CCDC3: variants seen among roughly 807,000 people sequenced by gnomAD.
CCDC3 encodes coiled-coil domain containing 3.
A neutral mutation model predicts 21.4 loss-of-function variants in CCDC3; 24 were observed. The observed-to-expected ratio is 1.12, with a 90% confidence interval of 0.81 to 1.58. The LOEUF (loss-of-function observed/expected upper bound fraction) is 1.58, where lower values mean the gene tolerates loss of function less well. Among genes scored for constraint, CCDC3 ranks in the 40% most tolerant of loss-of-function variants. The pLI is 0.00. For synonymous variants in CCDC3, 186 were observed against 166.0 expected (o/e 1.12, Z -0.93); for missense variants, 425 against 360.9 (o/e 1.18, Z -1.44).
intron 2 of CCDC3, among the ~76,000 whole-genome samples, chr10:12,965,839 C>G (rs569322374): frequency 6.6e-6 from 1 of 152,170 alleles, no homozygotes; most frequent in African/African-American, 2.4e-5. Context: ...GACATACACA[C>G]GTTGTAAATG....
chr10:13,087,781 G>A (rs1026330702), intron 3 of CCDC3, among the ~76,000 whole-genome samples: 1 of 152,068 alleles, frequency 6.6e-6, no homozygotes, highest in African/African-American at 2.4e-5. Context: ...CATAGCCGCC[G>A]CTTTCCTATG....
chr10:13,038,717 T>C (rs1206036201), intron 5 of CCDC3, among the ~76,000 whole-genome samples: 1 of 152,196 alleles, frequency 6.6e-6, no homozygotes, highest in Non-Finnish European at 1.5e-5. Context: ...TTAGAAGCAA[T>C]AATAAGGACG....
At chr10:13,066,253 G>A (rs1836818894) in intron 4 of CCDC3, among the ~76,000 whole-genome samples, 1 of 152,060 alleles carries the variant, frequency 6.6e-6, no homozygotes, top group African/African-American at 2.4e-5. Context: ...GCCCTCCCGG[G>A]CTCAGGTGAT....
chr10:13,019,046 A>T (rs1391496685), intron 5 of CCDC3, among the ~76,000 whole-genome samples: 4 of 151,466 alleles, frequency 2.6e-5, no homozygotes, highest in Non-Finnish European at 5.9e-5. Flanking sequence ...ATCCTGGCTA[A>T]CACGGTGAAA....
rs371017455 is a variant in CCDC3, at chr10:12,959,075, C to A, written c.549+39263G>T. ...GGGGAATGAAGGATTAAATACTGGA[C>A]CCACATCAGCAGATTCCTACCACTG... On this transcript the variant is annotated intron_variant, in intron 2 of 2. Coordinates refer to ENST00000378825, the MANE Select transcript of CCDC3 (RefSeq NM_031455.4). Among the ~76,000 whole-genome samples the A allele has an allele frequency of 2.0e-5, 3 of 152,308 alleles. No individual in the cohort carries two copies. In the East Asian group the frequency reaches 5.8e-4, roughly 29 times the overall value.
At chr10:13,083,489 C>T (rs190481612) in intron 3 of CCDC3, among the ~76,000 whole-genome samples, 1 of 152,280 alleles carries the variant, frequency 6.6e-6, no homozygotes, top group African/African-American at 2.4e-5. Flanking sequence ...TTCAAGCTTC[C>T]TTGATTTGTG....
At chr10:13,057,867 C>T (rs1354838328) in intron 4 of CCDC3, 7 of 438,072 alleles carry the variant, frequency 1.6e-5, no homozygotes, top group Admixed American at 5.7e-5. Context: ...GATGACAGTG[C>T]GAGACTCTGT....
chr10:12,996,100 A>T (rs1175818238), intron 2 of CCDC3, among the ~76,000 whole-genome samples: 1 of 152,238 alleles, frequency 6.6e-6, no homozygotes, highest in Non-Finnish European at 1.5e-5. Context: ...CGCTTGGAAG[A>T]AATTAAGTAT....
chr10:12,943,413 C>T (rs1394415587), intron 2 of CCDC3, among the ~76,000 whole-genome samples: 2 of 152,214 alleles, frequency 1.3e-5, no homozygotes, highest in Admixed American at 6.5e-5. Context: ...GTATGAGAAT[C>T]CTCGGTAAGG....
chr10:13,036,740 C>T (rs1836382515), intron 5 of CCDC3, among the ~76,000 whole-genome samples: 1 of 152,052 alleles, frequency 6.6e-6, no homozygotes, highest in East Asian at 1.9e-4. Flanking sequence ...CCACTTTGGC[C>T]TCCCAAAGTG....
intron 4 of CCDC3, among the ~76,000 whole-genome samples, chr10:13,060,816 G>A (rs181163405): frequency 6.9e-4 from 105 of 152,090 alleles, no homozygotes; most frequent in East Asian, 6.2e-3. Context: ...TTCAAATTTT[G>A]TTTCTAAAGG....
intron 3 of CCDC3, among the ~76,000 whole-genome samples, chr10:13,089,022 AT>A (rs1221710920): frequency 2.8e-4 from 42 of 151,958 alleles, no homozygotes; most frequent in African/African-American, 7.2e-4. Context: ...AAAAAAAAAA[AT>A]AAAAGAAGAA....
At position 12,898,288 on chromosome 10, in the gene CCDC3, G is replaced by A; in HGVS notation, c.*128C>T. On this transcript the variant is annotated 3_prime_UTR_variant, in exon 3 of 3. Transcript: ENST00000378825. Reference sequence around the variant, plus strand: ...GCAAGCCTTGCATTTTATCCATTTAGACTCTACCAAATGCGTGATTAAAAA... The same window carrying A: ...GCAAGCCTTGCATTTTATCCATTTAAACTCTACCAAATGCGTGATTAAAAA... The A allele has an allele frequency of 9.6e-7, 1 of 1,044,678 alleles. No homozygotes were observed. Among genetic ancestry groups the A allele is most frequent in the Non-Finnish European group, 1.4e-6 (1 of 731,752 alleles). 64.7% of individuals were successfully genotyped at this position (1,044,678 alleles called of 1,614,324 possible).
chr10:12,919,586 T>TGA (rs368084819), intron 2 of CCDC3, among the ~76,000 whole-genome samples: 1 of 130,938 alleles, frequency 7.6e-6, no homozygotes, highest in Non-Finnish European at 1.6e-5. Context: ...CAAGACTGTC[T>TGA]AAAAAAAAAA....
At chr10:13,059,028 G>A (rs1836718800) in intron 4 of CCDC3, among the ~76,000 whole-genome samples, 2 of 152,184 alleles carry the variant, frequency 1.3e-5, no homozygotes, top group South Asian at 2.1e-4. Flanking sequence ...ACTGATGGAA[G>A]GACAGATGAG....
intron 5 of CCDC3, among the ~76,000 whole-genome samples, chr10:13,019,505 G>A (rs888475875): frequency 4.4e-5 from 4 of 90,588 alleles, no homozygotes; most frequent in Admixed American, 4.1e-4. Flanking sequence ...TGTTCTCGTT[G>A]TAGAGGTATC....
At chr10:13,083,700 T>C (rs1837070833) in intron 3 of CCDC3, among the ~76,000 whole-genome samples, 1 of 152,274 alleles carries the variant, frequency 6.6e-6, no homozygotes. Flanking sequence ...AACTTCCTCT[T>C]TTCCTTTGTT....
intron 5 of CCDC3, among the ~76,000 whole-genome samples, chr10:13,039,507 T>C (rs1366851435): frequency 6.6e-6 from 1 of 152,142 alleles, no homozygotes; most frequent in Non-Finnish European, 1.5e-5. Context: ...GTGCTTTGAG[T>C]TACAAATAAG....
At chr10:13,009,765 G>A (rs960964516) in intron 5 of CCDC3, among the ~76,000 whole-genome samples, 6 of 152,062 alleles carry the variant, frequency 3.9e-5, no homozygotes, top group African/African-American at 7.2e-5. Context: ...AAATTAACTC[G>A]AAATATAAAA....
Sources: gnomAD v4.1 joint callset for allele counts (sites outside exome capture counted in the v4.1 genomes callset) on GRCh38, gnomAD v4.1.1 for gene constraint, MANE v1.5 for transcripts, NCBI Gene and HGNC (gene_info 2026-07-23, HGNC 2026-07-21) for gene names.